The following CPA6 variants were observed in gnomAD, a reference collection of about 807,000 sequenced individuals.
CPA6 encodes the protein carboxypeptidase B.
Under a neutral mutation model 63.3 loss-of-function variants are expected in CPA6, and 58 were observed. The ratio of observed to expected loss-of-function variants is 0.92; its 90% CI spans 0.74 to 1.14. CPA6 has a LOEUF of 1.14. Among genes scored for constraint, CPA6 ranks in the 50% most tolerant of loss-of-function variants. The pLI is 0.00. For missense variants in CPA6, 565 were observed against 526.6 expected, an observed-to-expected ratio of 1.07 and a Z score of -0.71; for synonymous variants, 185 against 179.0, an observed-to-expected ratio of 1.03 and a Z score of -0.27.
intron 1 of CPA6, among the ~76,000 whole-genome samples, chr8:67,738,095 C>CA (rs372516828): frequency 1.7e-3 from 249 of 150,400 alleles, no homozygotes; most frequent in African/African-American, 3.4e-3. Context: ...ATTGTTATTT[C>CA]AAAAAAAAAC....
intron 8 of CPA6, among the ~76,000 whole-genome samples, chr8:67,435,278 T>C (rs996689067): frequency 6.6e-6 from 1 of 151,956 alleles, no homozygotes; most frequent in African/African-American, 2.4e-5. Context: ...GGGAAATCTT[T>C]TATGGAAGAA....
chr8:67,724,278 C>T (rs1817556453), intron 1 of CPA6, among the ~76,000 whole-genome samples: 1 of 152,192 alleles, frequency 6.6e-6, no homozygotes, highest in African/African-American at 2.4e-5. Flanking sequence ...GGCCTCTTGG[C>T]ACCAGGGTCT....
intron 1 of CPA6, among the ~76,000 whole-genome samples, chr8:67,652,255 C>A (rs964388811): frequency 2.0e-5 from 3 of 152,146 alleles, no homozygotes; most frequent in African/African-American, 7.2e-5. Context: ...TGGGTATATA[C>A]CCAGTAATGG....
At chr8:67,706,332 T>C (rs923242864) in intron 1 of CPA6, among the ~76,000 whole-genome samples, 1 of 152,182 alleles carries the variant, frequency 6.6e-6, no homozygotes, top group Non-Finnish European at 1.5e-5. Flanking sequence ...AGGCTCTAAA[T>C]CTAGGACATA....
chr8:67,430,265 T>C (rs949496421), intron 9 of CPA6, among the ~76,000 whole-genome samples: 4 of 150,664 alleles, frequency 2.7e-5, no homozygotes, highest in Admixed American at 6.6e-5. Flanking sequence ...CTGCAACCTC[T>C]GCCTACCAGG....
chr8:67,733,831 C>A (rs1055739384), intron 1 of CPA6, among the ~76,000 whole-genome samples: 1 of 140,474 alleles, frequency 7.1e-6, no homozygotes, highest in Non-Finnish European at 1.5e-5. Context: ...TAACTCGGGT[C>A]AAATGCTGCA....
intron 2 of CPA6, among the ~76,000 whole-genome samples, chr8:67,602,536 C>T (rs1481425483): frequency 6.6e-6 from 1 of 151,960 alleles, no homozygotes; most frequent in Non-Finnish European, 1.5e-5. Context: ...AATGAAGCAC[C>T]CTAAATGTTT....
intron 2 of CPA6, among the ~76,000 whole-genome samples, chr8:67,617,905 TG>T (rs1212577075): frequency 2.0e-5 from 3 of 151,174 alleles, no homozygotes; most frequent in African/African-American, 7.3e-5. Flanking sequence ...TTTCTTGCCA[TG>T]GGGCAGTTCA....
In CPA6 at chr8:67,746,290, A is replaced by T. The variant is rs1297075177; in HGVS notation, c.-161T>A. The stretch of plus-strand genomic sequence containing the variant: ...GACACTTCTCTCCAGCTACAAGGGA[A>T]AAAAAAAGTTCAGGCAGCTGAGGAA... On this transcript the variant is annotated 5_prime_UTR_variant, in exon 1 of 11. Coordinates refer to ENST00000297770, the MANE Select transcript of CPA6 (RefSeq NM_020361.5). 4.1e-6 allele frequency: 2 copies of T among 488,416 alleles called. No individual in the cohort carries two copies. The highest frequency in any genetic ancestry group is 4.7e-4 in the Middle Eastern group (1 of 2,120). The allele number at this position is 488,416 out of a possible 1,614,324, so 30.3% of individuals were successfully genotyped here.
intron 1 of CPA6, among the ~76,000 whole-genome samples, chr8:67,628,200 G>A (rs995800232): frequency 2.6e-5 from 4 of 151,790 alleles, no homozygotes; most frequent in Admixed American, 6.6e-5. Context: ...GTGACAGAGC[G>A]AGACTCCATC....
rs146967513 is a variant in CPA6, at chr8:67,534,570, A to G, written c.193-16523T>C. 3.6e-3 allele frequency among the ~76,000 whole-genome samples: 541 copies of G among 152,286 alleles called. 2 individuals carry two copies. Among genetic ancestry groups the G allele is most frequent in the Non-Finnish European group, 6.5e-3 (442 of 68,028 alleles). ...ATGTCCACTCATAGAATAGATGCAC[A>G]TTGAAGGTTAATATCTCATGTGTAA... On this transcript the variant is annotated intron_variant, in intron 2 of 10. Coordinates refer to ENST00000297770, the MANE Select transcript of CPA6 (RefSeq NM_020361.5).
intron 2 of CPA6, chr8:67,569,685 A>G: frequency 4.0e-6 from 1 of 252,862 alleles, no homozygotes; most frequent in Non-Finnish European, 8.1e-6. Context: ...AGCAGGTTAC[A>G]GGGGTTACTA....
chr8:67,725,595 A>G (rs1044242345), intron 1 of CPA6, among the ~76,000 whole-genome samples: 5 of 152,176 alleles, frequency 3.3e-5, no homozygotes, highest in African/African-American at 1.2e-4. Flanking sequence ...ACCATAGCTC[A>G]CTGCAACCTT....
intron 8 of CPA6, among the ~76,000 whole-genome samples, chr8:67,478,053 A>C (rs1452545581): frequency 6.6e-6 from 1 of 152,186 alleles, no homozygotes; most frequent in East Asian, 1.9e-4. Flanking sequence ...TGAAAGACCA[A>C]GGCATGATGA....
intron 2 of CPA6, among the ~76,000 whole-genome samples, chr8:67,602,955 G>A (rs1272828174): frequency 6.6e-6 from 1 of 152,100 alleles, no homozygotes; most frequent in African/African-American, 2.4e-5. Flanking sequence ...TTATAATTCT[G>A]TGCTTTCTCT....
chr8:67,654,322 C>A (rs891143146), intron 1 of CPA6, among the ~76,000 whole-genome samples: 3 of 152,144 alleles, frequency 2.0e-5, no homozygotes, highest in African/African-American at 7.2e-5. Context: ...AGGAATGGTA[C>A]CAGCTCCTCC....
intron 1 of CPA6, among the ~76,000 whole-genome samples, chr8:67,733,223 AAT>A (rs1491085305): frequency 0.16 from 6,451 of 40,412 alleles, 1,381 homozygotes; most frequent in Non-Finnish European, 0.25. Context: ...AAAAAAAAAA[AAT>A]AAAAAAATTT....
At chr8:67,611,702 C>T (rs1368209162) in intron 2 of CPA6, among the ~76,000 whole-genome samples, 2 of 152,148 alleles carry the variant, frequency 1.3e-5, no homozygotes, top group African/African-American at 4.8e-5. Context: ...TCCTAGTTCT[C>T]ATATGCTTTT....
intron 2 of CPA6, among the ~76,000 whole-genome samples, chr8:67,538,860 C>T (rs567687097): frequency 2.6e-5 from 4 of 152,168 alleles, no homozygotes; most frequent in East Asian, 1.9e-4. Context: ...ATGGTTTCAC[C>T]GTGTTAGCCA....
Sources: allele counts gnomAD v4.1 joint callset (sites outside exome capture counted in the v4.1 genomes callset), GRCh38; gene constraint gnomAD v4.1.1; transcripts MANE v1.5; gene names NCBI Gene and HGNC (gene_info 2026-07-23, HGNC 2026-07-21).